WWOX: variants seen among roughly 807,000 people sequenced by gnomAD.
WWOX encodes the protein WW domain containing oxidoreductase, also known as WW domain-containing oxidoreductase.
A neutral mutation model predicts 46.2 loss-of-function variants in WWOX; 69 were observed. The ratio of observed to expected loss-of-function variants is 1.49; its 90% CI spans 1.23 to 1.82. The LOEUF (loss-of-function observed/expected upper bound fraction) is 1.82. Ranked by LOEUF, WWOX falls within the 40% of genes most tolerant of loss-of-function variation. The probability of loss-of-function intolerance (pLI) is 0.00; values close to 1 mark genes in which losing one functional copy is unlikely to be tolerated. For missense variants in WWOX, 919 were observed against 542.6 expected (o/e 1.69, Z -6.89); for synonymous variants, 359 against 202.6 (o/e 1.77, Z -6.56).
intron 5 of WWOX, chr16:78,266,199 G>GA (rs984370018): frequency 9.9e-5 from 15 of 152,036 alleles, no homozygotes; most frequent in African/African-American, 2.9e-4. Flanking sequence ...TTGTTTGGGG[G>GA]AAAAAACCAA....
At chr16:78,309,614 G>A (rs1274869846) in intron 5 of WWOX, among the ~76,000 whole-genome samples, 1 of 152,158 alleles carries the variant, frequency 6.6e-6, no homozygotes, top group African/African-American at 2.4e-5. Flanking sequence ...TTGGGCACAC[G>A]TTCCCAGGAC....
At chr16:79,076,459 A>C (rs1377235039) in intron 8 of WWOX, among the ~76,000 whole-genome samples, 1 of 152,078 alleles carries the variant, frequency 6.6e-6, no homozygotes, top group South Asian at 2.1e-4. Context: ...TATCTTTTTC[A>C]CAGCATTCAA....
At chr16:78,198,889 C>T (rs2036143010) in intron 5 of WWOX, among the ~76,000 whole-genome samples, 1 of 152,120 alleles carries the variant, frequency 6.6e-6, no homozygotes, top group South Asian at 2.1e-4. Context: ...CAGTTCTTTG[C>T]TCTGGGAGTT....
chr16:78,169,319 C>T (rs1327106643), intron 5 of WWOX, among the ~76,000 whole-genome samples: 2 of 152,078 alleles, frequency 1.3e-5, no homozygotes, highest in Admixed American at 6.6e-5. Context: ...CATGTGAGTT[C>T]TCTAAGTCTG....
At chr16:79,031,283 G>T (rs984469747) in intron 8 of WWOX, among the ~76,000 whole-genome samples, 1 of 152,092 alleles carries the variant, frequency 6.6e-6, no homozygotes, top group Non-Finnish European at 1.5e-5. Flanking sequence ...GGTACGTGGT[G>T]GGTGACTCCC....
At chr16:78,805,860 TAA>T (rs2051020525) in intron 8 of WWOX, among the ~76,000 whole-genome samples, 1 of 152,188 alleles carries the variant, frequency 6.6e-6, no homozygotes, top group African/African-American at 2.4e-5. Flanking sequence ...ATAGAAAGAT[TAA>T]GAGTTTTTTT....
chr16:79,169,547 G>C (rs887076428), intron 8 of WWOX, among the ~76,000 whole-genome samples: 2 of 152,178 alleles, frequency 1.3e-5, no homozygotes, highest in African/African-American at 4.8e-5. Flanking sequence ...CCAGGGTAAA[G>C]TCCCCAGCAC....
chr16:79,096,742 A>G (rs1387875577), intron 8 of WWOX, among the ~76,000 whole-genome samples: 2 of 152,166 alleles, frequency 1.3e-5, no homozygotes, highest in Non-Finnish European at 2.9e-5. Flanking sequence ...CAGGTATTTC[A>G]CCTGTTTTGT....
intron 8 of WWOX, among the ~76,000 whole-genome samples, chr16:79,163,570 G>A (rs2050529284): frequency 6.6e-6 from 1 of 152,098 alleles, no homozygotes; most frequent in Admixed American, 6.6e-5. Flanking sequence ...AGGCCGAAGG[G>A]GGTGGATCAC....
chr16:78,927,974 TTTTGTGTGTGTG>T (rs987718728), intron 8 of WWOX, among the ~76,000 whole-genome samples: 121 of 150,606 alleles, frequency 8.0e-4, no homozygotes, highest in African/African-American at 2.9e-3. Context: ...ATCTCAGGGT[TTTTGTGTGTGTG>T]TGTATGTGTG....
chr16:79,006,843 C>A (rs999779017), intron 8 of WWOX, among the ~76,000 whole-genome samples: 2 of 152,178 alleles, frequency 1.3e-5, no homozygotes, highest in Admixed American at 6.5e-5. Flanking sequence ...TGGCATCCTT[C>A]TGGCTCTCTC....
chr16:79,127,505 A>T (rs996331225), intron 8 of WWOX, among the ~76,000 whole-genome samples: 2 of 152,180 alleles, frequency 1.3e-5, no homozygotes, highest in Non-Finnish European at 2.9e-5. Context: ...CATTGAACCA[A>T]TTCCCTATTG....
At chr16:79,037,782 C>T (rs1185453275) in intron 8 of WWOX, among the ~76,000 whole-genome samples, 2 of 152,070 alleles carry the variant, frequency 1.3e-5, no homozygotes, top group African/African-American at 2.4e-5. Context: ...CCTACAAGGT[C>T]ATCTAGACAT....
At chr16:78,726,087 T>TCCTCCCTCCCTCCCTCCCTCTTCCTC (rs2048825980) in intron 8 of WWOX, among the ~76,000 whole-genome samples, 1 of 113,126 alleles carries the variant, frequency 8.8e-6, no homozygotes, top group African/African-American at 3.4e-5. Context: ...CCCTCCCTCT[T>TCCTCCCTCCCTCCCTCCCTCTTCCTC]CCTCCCTCCC....
intron 8 of WWOX, among the ~76,000 whole-genome samples, chr16:78,670,073 T>A (rs1043531210): frequency 6.6e-6 from 1 of 152,114 alleles, no homozygotes; most frequent in African/African-American, 2.4e-5. Flanking sequence ...AATTTTAAAT[T>A]CCTGTTCCCG....
chr16:78,150,845 TC>T (rs1427701010), intron 4 of WWOX, among the ~76,000 whole-genome samples: 3 of 152,010 alleles, frequency 2.0e-5, no homozygotes, highest in Non-Finnish European at 4.4e-5. Context: ...TAAAAGACTC[TC>T]CCCTCACCCA....
chr16:78,582,266 A>G (rs933951401), intron 8 of WWOX, among the ~76,000 whole-genome samples: 3 of 152,132 alleles, frequency 2.0e-5, no homozygotes, highest in Admixed American at 6.6e-5. Context: ...TAAGATCTAT[A>G]CTTTTGATAG....
intron 4 of WWOX, among the ~76,000 whole-genome samples, chr16:78,143,434 A>ACCAAAT (rs2034056280): frequency 2.6e-5 from 4 of 152,128 alleles, no homozygotes; most frequent in African/African-American, 9.7e-5. Flanking sequence ...TGGCACGTGG[A>ACCAAAT]CCAAATCCAG....
At chr16:78,412,914 C>T (rs1225206169) in intron 6 of WWOX, among the ~76,000 whole-genome samples, 1 of 152,162 alleles carries the variant, frequency 6.6e-6, no homozygotes, top group African/African-American at 2.4e-5. Flanking sequence ...CCTTTTTTCT[C>T]TTCCCAGCCC....
Sources: allele counts gnomAD v4.1 joint callset (sites outside exome capture counted in the v4.1 genomes callset), GRCh38; gene constraint gnomAD v4.1.1; transcripts MANE v1.5; gene names NCBI Gene and HGNC (gene_info 2026-07-23, HGNC 2026-07-21).